The following DDAH1 variants were observed in gnomAD, a reference collection of about 807,000 sequenced individuals.
DDAH1 encodes dimethylarginine dimethylaminohydrolase 1.
In DDAH1, 19 loss-of-function variants were observed where a neutral mutation model predicts 28.8. That is an observed-to-expected ratio of 0.66 (90% CI 0.46 to 0.97). The LOEUF (loss-of-function observed/expected upper bound fraction) is 0.97. Among genes scored for constraint, DDAH1 ranks in the 50% least tolerant of loss-of-function variants. The pLI is 0.00. For missense variants in DDAH1, 326 were observed against 375.9 expected (o/e 0.87, Z 1.10); for synonymous variants, 153 against 154.4 (o/e 0.99, Z 0.07).
chr1:85,507,276 G>A (rs958055775), intron 1 of DDAH1, among the ~76,000 whole-genome samples: 1 of 152,160 alleles, frequency 6.6e-6, no homozygotes, highest in Non-Finnish European at 1.5e-5. Context: ...AGGCTGATAA[G>A]CAGATTGCTT....
intron 1 of DDAH1, among the ~76,000 whole-genome samples, chr1:85,553,249 T>A (rs1009790163): frequency 1.3e-5 from 2 of 152,198 alleles, no homozygotes; most frequent in African/African-American, 2.4e-5. Context: ...AACAGTAGAA[T>A]CACTCAGAGG....
chr1:85,519,340 C>T (rs1570634853), intron 1 of DDAH1, among the ~76,000 whole-genome samples: 1 of 152,080 alleles, frequency 6.6e-6, no homozygotes, highest in East Asian at 1.9e-4. Flanking sequence ...TCGTGATCCG[C>T]CCGCCGTGGC....
upstream of DDAH1, chr1:85,465,251 C>T: frequency 9.2e-7 from 1 of 1,084,842 alleles, no homozygotes; most frequent in Non-Finnish European, 1.1e-6. Flanking sequence ...GCATCCCGCG[C>T]GCCCACTCCG....
chr1:85,562,723 T>C (rs1475474233), intron 1 of DDAH1, among the ~76,000 whole-genome samples: 1 of 152,184 alleles, frequency 6.6e-6, no homozygotes, highest in Non-Finnish European at 1.5e-5. Context: ...GAAATAATTA[T>C]TTTCTATAAC....
At chr1:85,388,453 A>T (rs1651386690) in intron 1 of DDAH1, among the ~76,000 whole-genome samples, 1 of 152,226 alleles carries the variant, frequency 6.6e-6, no homozygotes, top group African/African-American at 2.4e-5. Context: ...TGAAAAAGTC[A>T]TTATATAAAA....
Position 85,377,725 on chromosome 1 carries a change from T to C in DDAH1, c.304-18878A>G, listed in dbSNP as rs548244189. ...TCTCCCCCTCATCCCCCCACCCCCA[T>C]ACAAGTAGACACACACACACATTCA... On this transcript the variant is annotated intron_variant, in intron 1 of 5. Transcript: ENST00000284031. Among the ~76,000 whole-genome samples the C allele has an allele frequency of 2.3e-5, 3 of 129,180 alleles. No individual in the cohort carries two copies. The South Asian group carries it at 8.3e-4, about 36-fold the overall frequency. 84.7% of individuals were successfully genotyped at this position (129,180 alleles called of 152,430 possible).
At chr1:85,472,599 C>G (rs1440715418) in intron 2 of DDAH1, among the ~76,000 whole-genome samples, 4 of 152,184 alleles carry the variant, frequency 2.6e-5, no homozygotes, top group Non-Finnish European at 5.9e-5. Flanking sequence ...TGCCTCATTG[C>G]AACCACATTA....
intron 1 of DDAH1, among the ~76,000 whole-genome samples, chr1:85,363,928 A>G (rs1649922064): frequency 1.4e-5 from 2 of 144,960 alleles, no homozygotes; most frequent in African/African-American, 5.3e-5. Flanking sequence ...TTTTTTTCAA[A>G]TCAGGCTACA....
chr1:85,413,931 C>T (rs1652771800), intron 1 of DDAH1, among the ~76,000 whole-genome samples: 1 of 152,202 alleles, frequency 6.6e-6, no homozygotes, highest in African/African-American at 2.4e-5. Context: ...TGAATGTTGA[C>T]TAATTCTCTA....
chr1:85,404,568 A>G (rs1652316156), intron 1 of DDAH1: 2 of 1,347,896 alleles, frequency 1.5e-6, no homozygotes, highest in African/African-American at 2.9e-5. Flanking sequence ...ATAGGAGTTC[A>G]TTTTCCAGAC....
intron 1 of DDAH1, among the ~76,000 whole-genome samples, chr1:85,530,800 GC>G (rs1658063896): frequency 6.9e-6 from 1 of 144,006 alleles, no homozygotes; most frequent in Non-Finnish European, 1.5e-5. Context: ...AGCCTGGCCA[GC>G]ATGGTGAAAC....
intron 1 of DDAH1, among the ~76,000 whole-genome samples, chr1:85,501,612 T>C (rs1457449714): frequency 2.0e-5 from 3 of 152,156 alleles, no homozygotes; most frequent in Admixed American, 6.5e-5. Flanking sequence ...CTCTGCCTCC[T>C]CAGAACAGTA....
intron 1 of DDAH1, among the ~76,000 whole-genome samples, chr1:85,513,555 T>G (rs1327237975): frequency 6.6e-6 from 1 of 151,894 alleles, no homozygotes; most frequent in Non-Finnish European, 1.5e-5. Flanking sequence ...ACCGTCAGAG[T>G]GAACAGGCAA....
intron 1 of DDAH1, among the ~76,000 whole-genome samples, chr1:85,394,718 A>G (rs1240960104): frequency 6.6e-6 from 1 of 152,256 alleles, no homozygotes; most frequent in Non-Finnish European, 1.5e-5. Flanking sequence ...CAATTGAAGC[A>G]TAATTTTTAA....
chr1:85,570,255 C>G (rs954554004), intron 1 of DDAH1, among the ~76,000 whole-genome samples: 12 of 151,990 alleles, frequency 7.9e-5, no homozygotes, highest in Admixed American at 6.6e-5. Flanking sequence ...AAGAGTTCAG[C>G]CTTTCTTCTC....
chr1:85,537,132 G>A (rs1409088746), intron 1 of DDAH1, among the ~76,000 whole-genome samples: 1 of 151,554 alleles, frequency 6.6e-6, no homozygotes, highest in Admixed American at 6.6e-5. Flanking sequence ...CTTGAGCTCA[G>A]GAGTTCGTGA....
intron 1 of DDAH1, among the ~76,000 whole-genome samples, chr1:85,392,578 A>G (rs925509292): frequency 2.0e-5 from 3 of 151,856 alleles, no homozygotes; most frequent in Non-Finnish European, 4.4e-5. Context: ...GCGGATCACG[A>G]GGTCAGGAGT....
intron 2 of DDAH1, among the ~76,000 whole-genome samples, chr1:85,489,708 G>C (rs575814740): frequency 6.6e-6 from 1 of 152,028 alleles, no homozygotes; most frequent in Non-Finnish European, 1.5e-5. Context: ...GTTAAAGGGA[G>C]AGGAGGCAAA....
At chr1:85,536,234 C>G (rs1488547920) in intron 1 of DDAH1, among the ~76,000 whole-genome samples, 2 of 151,512 alleles carry the variant, frequency 1.3e-5, no homozygotes, top group Non-Finnish European at 2.9e-5. Context: ...GAATCTCTGT[C>G]TCAAATAAAA....
Sources: gnomAD v4.1 joint callset for allele counts (sites outside exome capture counted in the v4.1 genomes callset) on GRCh38, gnomAD v4.1.1 for gene constraint, MANE v1.5 for transcripts, NCBI Gene and HGNC (gene_info 2026-07-23, HGNC 2026-07-21) for gene names.